PIK3CD: variants seen among roughly 807,000 people sequenced by gnomAD.
PIK3CD encodes the protein phosphatidylinositol 4,5-bisphosphate 3-kinase catalytic subunit delta isoform.
A neutral mutation model predicts 122.9 loss-of-function variants in PIK3CD; 20 were observed. That is an observed-to-expected ratio of 0.16 (90% CI 0.11 to 0.24). PIK3CD has a LOEUF of 0.24. Among genes scored for constraint, PIK3CD ranks in the 10% least tolerant of loss-of-function variants. The probability of loss-of-function intolerance (pLI) is 1.00; values close to 1 mark genes in which losing one functional copy is unlikely to be tolerated. For missense variants in PIK3CD, 787 were observed against 1,406.3 expected (o/e 0.56, Z 7.04); for synonymous variants, 596 against 593.4 (o/e 1.00, Z -0.06).
intron 1 of PIK3CD, among the ~76,000 whole-genome samples, chr1:9,675,167 C>T (rs985370062): frequency 6.6e-6 from 1 of 151,488 alleles, no homozygotes; most frequent in Non-Finnish European, 1.5e-5. Context: ...GGGCGGATCA[C>T]GAGGTCAGGA....
At chr1:9,668,975 G>A (rs1046989763) in intron 1 of PIK3CD, among the ~76,000 whole-genome samples, 16 of 152,056 alleles carry the variant, frequency 1.1e-4, no homozygotes, top group African/African-American at 3.9e-4. Flanking sequence ...ACTCACTAAT[G>A]GTTTCATTCA....
At chr1:9,683,887 TC>T (rs1281881372) in intron 1 of PIK3CD, among the ~76,000 whole-genome samples, 56 of 152,252 alleles carry the variant, frequency 3.7e-4, no homozygotes, top group Admixed American at 3.2e-3. Context: ...ATCACTCATG[TC>T]TGGTACCTGG....
rs766145180 is a variant in PIK3CD at position 9,720,211 on chromosome 1, C to T, written c.1439C>T (p.Pro480Leu). The change falls in exon 11 of 24, where the codon CCG (proline) becomes CTG (leucine). Residue 480 changes from proline to leucine, a missense_variant. Pro to Leu is a moderately conservative substitution (Grantham distance 98). Transcript: ENST00000377346. The surrounding 1 kb of genome is among the most constrained non-coding windows in gnomAD (Gnocchi z 9.0). Reference sequence around the variant, plus strand: ...CTCATCTGCCTGCCCGAGGTGGCCCCGCACCCCGTGTACTACCCCGCCCTG... The same window carrying T: ...CTCATCTGCCTGCCCGAGGTGGCCCTGCACCCCGTGTACTACCCCGCCCTG... Reference protein sequence around the residue: ...ALLICLPEVAPHPVYYPALEK... With the variant: ...ALLICLPEVALHPVYYPALEK... 15 of 1,610,626 alleles carry T rather than the reference C, an allele frequency of 9.3e-6. No individual in the cohort carries two copies. The highest frequency in any genetic ancestry group is 2.2e-5 in the East Asian group (1 of 44,790).
chr1:9,676,921 A>G (rs1645561085), intron 1 of PIK3CD, among the ~76,000 whole-genome samples: 1 of 152,184 alleles, frequency 6.6e-6, no homozygotes, highest in African/African-American at 2.4e-5. Flanking sequence ...AGTGGCCCAG[A>G]GACCTGCTCT....
rs1403080467 is a variant in PIK3CD at position 9,700,144 on chromosome 1, G to T, written c.-33+8573G>T. Among the ~76,000 whole-genome samples, 1 of 151,960 alleles carries T rather than the reference G, an allele frequency of 6.6e-6. No individual in the cohort carries two copies. The highest frequency in any genetic ancestry group is 1.5e-5 in the Non-Finnish European group (1 of 67,978). On this transcript the variant is annotated intron_variant, in intron 2 of 23. Transcript: ENST00000377346. This position sits in a 1 kb window ranked among gnomAD's most constrained non-coding sequence, Gnocchi z 5.1. ...TTTAATTTTTAAATATTTATTTATT[G>T]ATTTTTGAGACAGAGTCTCACTCTT... is the stretch of plus-strand genomic sequence containing the variant.
the PIK3CD span, among the ~76,000 whole-genome samples, chr1:9,636,998 C>T: frequency 6.6e-6 from 1 of 151,860 alleles, no homozygotes; most frequent in Non-Finnish European, 1.5e-5. Flanking sequence ...CCCAGGTTCA[C>T]ACCATTCTCC....
In PIK3CD at chr1:9,716,058, G is replaced by A. The variant is rs569586715; in HGVS notation, c.580G>A (p.Val194Ile). 31 of 1,612,486 alleles carry A rather than the reference G, an allele frequency of 1.9e-5. No individual in the cohort carries two copies. Among genetic ancestry groups the A allele is most frequent in the East Asian group, 6.7e-5 (3 of 44,862 alleles). Reference protein sequence around the residue: ...RLPNRALLVNVKFEGSEESFT... With the variant: ...RLPNRALLVNIKFEGSEESFT... The stretch of plus-strand genomic sequence containing the variant: ...CCCGAACCGGGCCCTTCTGGTCAAC[G>A]TTAAGTTTGAGGGCAGCGAGGTGAG... Residue 194 changes from valine (V) to isoleucine (I), a missense_variant, in exon 5 of 24, where the codon GTT becomes ATT. This residue lies in a region of PIK3CD where 592 missense variants were observed against 920.6 expected (regional missense o/e 0.64). Transcript: ENST00000377346.
chr1:9,660,812 G>A (rs1321134719), intron 1 of PIK3CD: 1 of 151,934 alleles, frequency 6.6e-6, no homozygotes, highest in East Asian at 1.9e-4. Context: ...AGGAACATTT[G>A]TATATAAAAT....
Position 9,710,485 on chromosome 1 carries a change from A to C in PIK3CD, c.30A>C (p.Glu10Asp), listed in dbSNP as rs867168019. 3.7e-6 allele frequency: 6 copies of C among 1,614,048 alleles called. No homozygotes were observed. The highest frequency in any genetic ancestry group is 1.6e-4 in the Middle Eastern group (1 of 6,084). Residue 10 changes from glutamate (E) to aspartate (D), a missense_variant, in exon 3 of 24, where the codon GAA becomes GAC. This residue lies in a region of PIK3CD where 592 missense variants were observed against 920.6 expected (regional missense o/e 0.64). Coordinates refer to ENST00000377346, the MANE Select transcript of PIK3CD (RefSeq NM_005026.5). The surrounding 1 kb of genome is among the most constrained non-coding windows in gnomAD (Gnocchi z 4.7). Reference sequence around the variant, plus strand: ...CCCCTGGGGTGGACTGCCCCATGGAATTCTGGACCAAGGAGGAGAATCAGA... The same window carrying C: ...CCCCTGGGGTGGACTGCCCCATGGACTTCTGGACCAAGGAGGAGAATCAGA... The part of the protein sequence containing the change: MPPGVDCPM[E>D]FWTKEENQSV...
intron 1 of PIK3CD, among the ~76,000 whole-genome samples, chr1:9,663,838 G>GT (rs1387965514): frequency 6.7e-6 from 1 of 149,894 alleles, no homozygotes; most frequent in Non-Finnish European, 1.5e-5. Flanking sequence ...GCAGTGTTTG[G>GT]TTTTTTGTCC....
rs1432082937 is a variant in PIK3CD, at chr1:9,689,796, G to A, written c.-137-1671G>A. Among the ~76,000 whole-genome samples, 1 of 151,166 alleles carries A rather than the reference G, an allele frequency of 6.6e-6. No homozygotes were observed. The highest frequency in any genetic ancestry group is 1.5e-5 in the Non-Finnish European group (1 of 67,688). ...CCAGCCCCGCCGGGCGTCCCACCCC[G>A]CCCAGCCCCGGGCTTTGTCCGCCTG... On this transcript the variant is annotated intron_variant, in intron 1 of 23. Transcript: ENST00000377346. The surrounding 1 kb of genome is among the most constrained non-coding windows in gnomAD (Gnocchi z 6.1).
chr1:9,703,481 C>G (rs897027603), intron 2 of PIK3CD, among the ~76,000 whole-genome samples: 1 of 152,188 alleles, frequency 6.6e-6, no homozygotes, highest in Non-Finnish European at 1.5e-5. Context: ...GTTACTAGCA[C>G]CCAGAAGCCT....
At chr1:9,694,085 G>C (rs1249019436) in intron 2 of PIK3CD, among the ~76,000 whole-genome samples, 1 of 152,192 alleles carries the variant, frequency 6.6e-6, no homozygotes, top group Non-Finnish European at 1.5e-5. Context: ...GAGTTAGTTT[G>C]CCAAGCAGTG....
rs1364988526 is a variant in PIK3CD, at chr1:9,704,657, C to A, written c.-32-5767C>A. ...CCTCCCAAGTAGCCGGGACTACAGG[C>A]GTGAGCCACCATGACCGGCTAATTT... On this transcript the variant is annotated intron_variant, in intron 2 of 23. Coordinates refer to ENST00000377346, the MANE Select transcript of PIK3CD (RefSeq NM_005026.5). The surrounding 1 kb of genome is among the most constrained non-coding windows in gnomAD (Gnocchi z 5.0). Among the ~76,000 whole-genome samples, 1 of 152,182 alleles carries A rather than the reference C, an allele frequency of 6.6e-6. No individual in the cohort carries two copies. Among genetic ancestry groups the A allele is most frequent in the Non-Finnish European group, 1.5e-5 (1 of 68,040 alleles).
rs1648104484 is a variant in PIK3CD, at chr1:9,719,340, C to A, written c.1242+425C>A. On this transcript the variant is annotated intron_variant, in intron 9 of 23. Coordinates refer to ENST00000377346, the MANE Select transcript of PIK3CD (RefSeq NM_005026.5). This position sits in a 1 kb window ranked among gnomAD's most constrained non-coding sequence, Gnocchi z 5.5. ...AGCTGAGCTGGGCTGGCCTCTGGGGCTGGGCTGTCTGTTTGGGGATTTCTC... is the reference window on the plus strand; with the variant it reads ...AGCTGAGCTGGGCTGGCCTCTGGGGATGGGCTGTCTGTTTGGGGATTTCTC... Among the ~76,000 whole-genome samples the A allele has an allele frequency of 6.6e-6, 1 of 152,144 alleles. No homozygotes were observed. The highest frequency in any genetic ancestry group is 6.5e-5 in the Admixed American group (1 of 15,270).
chr1:9,661,878 C>G (rs1260845797), intron 1 of PIK3CD, among the ~76,000 whole-genome samples: 2 of 151,892 alleles, frequency 1.3e-5, no homozygotes, highest in African/African-American at 4.8e-5. Flanking sequence ...CACCTGTAGT[C>G]CCAGCTACTT....
rs1470369137 is a variant in PIK3CD at position 9,652,218 on chromosome 1, G to C, written c.-138+416G>C. On this transcript the variant is annotated intron_variant, in intron 1 of 23. Transcript: ENST00000377346. This position sits in a 1 kb window ranked among gnomAD's most constrained non-coding sequence, Gnocchi z 6.2. ...CTCAGCGCGTGCGCCCGCTCCGAGC[G>C]CTGACTAGAGGACCAGGGGCCTCCT... 6.6e-6 allele frequency among the ~76,000 whole-genome samples: 1 copy of C among 152,204 alleles called. No homozygotes were observed. The highest frequency in any genetic ancestry group is 1.5e-5 in the Non-Finnish European group (1 of 68,012).
At chr1:9,726,325 G>A (rs559060557) in intron 23 of PIK3CD, among the ~76,000 whole-genome samples, 36 of 152,012 alleles carry the variant, frequency 2.4e-4, no homozygotes, top group East Asian at 1.7e-3. Context: ...TGGCTAACAC[G>A]GTGAAACCCC....
At chr1:9,696,725 CAA>C (rs201750410) in intron 2 of PIK3CD, among the ~76,000 whole-genome samples, 20 of 119,232 alleles carry the variant, frequency 1.7e-4, no homozygotes, top group Admixed American at 1.8e-4. Context: ...GACCCTGTCC[CAA>C]AAAAAAAAAA....
Sources: allele counts gnomAD v4.1 joint callset (sites outside exome capture counted in the v4.1 genomes callset), GRCh38; gene constraint gnomAD v4.1.1; regional missense constraint gnomAD v4.1.1; non-coding constraint Gnocchi (gnomAD v3.1); transcripts MANE v1.5; gene names NCBI Gene and HGNC (gene_info 2026-07-23, HGNC 2026-07-21).